BAZ1A: variants seen among roughly 807,000 people sequenced by gnomAD.
BAZ1A encodes bromodomain adjacent to zinc finger domain protein 1A.
BAZ1A carries 50 observed loss-of-function variants against 185.2 expected under a neutral mutation model. The observed-to-expected ratio is 0.27, with a 90% CI of 0.22 to 0.34. BAZ1A has a LOEUF of 0.34. Among genes scored for constraint, BAZ1A ranks in the 10% least tolerant of loss-of-function variants. The pLI is 1.00. For synonymous variants in BAZ1A, 571 were observed against 615.6 expected, an observed-to-expected ratio of 0.93 and a Z score of 1.07; for missense variants, 1,356 against 1,839.9, an observed-to-expected ratio of 0.74 and a Z score of 4.81.
chr14:34,766,571 G>GA (rs1294043652), intron 21 of BAZ1A, among the ~76,000 whole-genome samples: 1 of 151,978 alleles, frequency 6.6e-6, no homozygotes, highest in African/African-American at 2.4e-5. Flanking sequence ...GGCACTACAT[G>GA]AAAAAATGGA....
chr14:34,780,671 GA>G (rs1179084702), intron 16 of BAZ1A, among the ~76,000 whole-genome samples: 2 of 152,170 alleles, frequency 1.3e-5, no homozygotes, highest in Non-Finnish European at 1.5e-5. Flanking sequence ...GAGCTCAAGA[GA>G]AATGGGAGGA....
chr14:34,759,290 C>T (rs1179641547), intron 24 of BAZ1A, among the ~76,000 whole-genome samples: 3 of 146,816 alleles, frequency 2.0e-5, no homozygotes. Flanking sequence ...ATGCCATTCT[C>T]CTGTCTCAGC....
intron 2 of BAZ1A, among the ~76,000 whole-genome samples, chr14:34,864,421 G>T (rs1419483083): frequency 6.6e-6 from 1 of 151,960 alleles, no homozygotes; most frequent in African/African-American, 2.4e-5. Flanking sequence ...GGGATTAGAG[G>T]CATGAGCCAC....
intron 3 of BAZ1A, among the ~76,000 whole-genome samples, chr14:34,851,887 GGAGGCT>G (rs1426352105): frequency 6.6e-6 from 1 of 152,194 alleles, no homozygotes; most frequent in Non-Finnish European, 1.5e-5. Flanking sequence ...CAGCACTTTG[GGAGGCT>G]GAGGCGGGCG....
chr14:34,776,489 C>G lies in BAZ1A; in HGVS notation c.2263G>C (p.Glu755Gln). 6.3e-7 allele frequency: 1 copy of G among 1,589,794 alleles called. No individual in the cohort carries two copies. Among genetic ancestry groups the G allele is most frequent in the Non-Finnish European group, 8.5e-7 (1 of 1,171,880 alleles). ...RGKRGQNGFK[E>Q]FTRQEQINCV... ...TTGATCTGTTCTTGCCTTGTAAATT[C>G]TTTAAATCCATTTTGTCCTCTTTTC... Residue 755 changes from glutamate (E) to glutamine (Q), a missense_variant, in exon 18 of 27, where the codon GAA becomes CAA. Around this residue, in one of 7 missense-constraint regions of BAZ1A, gnomAD observed 434 missense variants for 561.7 expected, o/e 0.77. Transcript: ENST00000360310.
intron 9 of BAZ1A, among the ~76,000 whole-genome samples, chr14:34,797,287 C>T (rs372226460): frequency 3.9e-5 from 6 of 152,052 alleles, no homozygotes; most frequent in Admixed American, 6.6e-5. Context: ...TGGCCAGGTG[C>T]GGTGGCTCAT....
At chr14:34,793,874 G>A (rs1881019571) in intron 11 of BAZ1A, among the ~76,000 whole-genome samples, 1 of 152,138 alleles carries the variant, frequency 6.6e-6, no homozygotes, top group East Asian at 1.9e-4. Context: ...CCCCGGAGGT[G>A]GAGGTTGCAG....
In BAZ1A at chr14:34,874,375, C is replaced by G; in HGVS notation, c.113+117G>C. 1 of 1,005,218 alleles carries G rather than the reference C, an allele frequency of 9.9e-7. No individual in the cohort carries two copies. Among genetic ancestry groups the G allele is most frequent in the Non-Finnish European group, 1.5e-6 (1 of 663,306 alleles). The allele number at this position is 1,005,218 out of a possible 1,614,324, so 62.3% of individuals were successfully genotyped here. On this transcript the variant is annotated intron_variant, in intron 2 of 26. Transcript: ENST00000360310. The surrounding 1 kb of genome is among the most constrained non-coding windows in gnomAD (Gnocchi z 4.7). The stretch of plus-strand genomic sequence containing the variant: ...GAGAACCGCGGGCCCGGGGGCCACC[C>G]GTCACTTTCAAGTCGCCCCGCCAGA...
rs1235652617 is a variant in BAZ1A at position 34,874,432 on chromosome 14, A to G, written c.113+60T>C. On this transcript the variant is annotated intron_variant, in intron 2 of 26. Transcript: ENST00000360310. The surrounding 1 kb of genome is among the most constrained non-coding windows in gnomAD (Gnocchi z 4.7). Reference sequence around the variant, plus strand: ...GGGCGAGGAAAAGGAGAGAGACAAAAGAGCGCTGCGGGGGGAGTCCCCACA... The same window carrying G: ...GGGCGAGGAAAAGGAGAGAGACAAAGGAGCGCTGCGGGGGGAGTCCCCACA... 6 of 1,464,044 alleles carry G rather than the reference A, an allele frequency of 4.1e-6. No individual in the cohort carries two copies. The highest frequency in any genetic ancestry group is 1.4e-5 in the African/African-American group (1 of 70,628). 90.7% of individuals were successfully genotyped at this position (1,464,044 alleles called of 1,614,324 possible).
intron 3 of BAZ1A, among the ~76,000 whole-genome samples, chr14:34,835,038 A>G (rs1255209287): frequency 1.3e-5 from 2 of 150,438 alleles, no homozygotes; most frequent in East Asian, 1.9e-4. Context: ...ATTTTCTAGA[A>G]GATGAAATTC....
At chr14:34,824,408 C>CAAACAAA (rs2042134437) in intron 4 of BAZ1A, among the ~76,000 whole-genome samples, 4 of 65,762 alleles carry the variant, frequency 6.1e-5, no homozygotes, top group African/African-American at 2.6e-4. Flanking sequence ...AGCAGCAACT[C>CAAACAAA]AAAAAAAAAA....
At chr14:34,796,191 C>CACACACAT (rs1881188321) in intron 9 of BAZ1A, among the ~76,000 whole-genome samples, 1 of 151,190 alleles carries the variant, frequency 6.6e-6, no homozygotes, top group Non-Finnish European at 1.5e-5. Flanking sequence ...CACACACACA[C>CACACACAT]ATATATGCAT....
At chr14:34,849,530 T>C (rs1480417573) in intron 3 of BAZ1A, among the ~76,000 whole-genome samples, 1 of 151,756 alleles carries the variant, frequency 6.6e-6, no homozygotes, top group African/African-American at 2.4e-5. Flanking sequence ...TTTACTTTAA[T>C]AGAAAAAAAA....
chr14:34,759,450 C>T (rs538018680), intron 24 of BAZ1A, among the ~76,000 whole-genome samples: 12 of 152,168 alleles, frequency 7.9e-5, no homozygotes, highest in African/African-American at 1.7e-4. Context: ...CTGCCCGCCT[C>T]GGCCTCCCAA....
chr14:34,784,064 G>C, intron 14 of BAZ1A, 137 bp from the exon 15 acceptor site: 1 of 798,626 alleles, frequency 1.3e-6, no homozygotes, highest in Non-Finnish European at 1.8e-6. Flanking sequence ...TCAATGACAT[G>C]TCTTCAGGAA....
At chr14:34,824,836 C>G (rs1250778467) in intron 4 of BAZ1A, among the ~76,000 whole-genome samples, 1 of 151,974 alleles carries the variant, frequency 6.6e-6, no homozygotes, top group Admixed American at 6.6e-5. Context: ...AATAGGAAAC[C>G]AAGAAAGACA....
intron 3 of BAZ1A, among the ~76,000 whole-genome samples, chr14:34,830,601 A>C (rs1302915976): frequency 6.6e-6 from 1 of 152,060 alleles, no homozygotes; most frequent in Non-Finnish European, 1.5e-5. Flanking sequence ...TGAGATTTTG[A>C]AAATGTTATA....
At chr14:34,775,356 C>G (rs1295436743) in intron 18 of BAZ1A, among the ~76,000 whole-genome samples, 1 of 152,172 alleles carries the variant, frequency 6.6e-6, no homozygotes, top group Non-Finnish European at 1.5e-5. Context: ...TTCTCTCCCA[C>G]AGGAGACAAG....
chr14:34,802,773 AG>A (rs1417209044), intron 7 of BAZ1A, 80 bp downstream of exon 7: 13 of 1,428,372 alleles, frequency 9.1e-6, no homozygotes, highest in Non-Finnish European at 1.2e-5. Context: ...TATGGATGTG[AG>A]GGGAGACAAA....
Sources: gnomAD v4.1 joint callset for allele counts (sites outside exome capture counted in the v4.1 genomes callset) on GRCh38, gnomAD v4.1.1 for gene constraint, gnomAD v4.1.1 regional missense constraint, Gnocchi (gnomAD v3.1) non-coding constraint, MANE v1.5 for transcripts, NCBI Gene and HGNC (gene_info 2026-07-23, HGNC 2026-07-21) for gene names.